The following PTPRD variants were observed in gnomAD, a reference collection of about 807,000 sequenced individuals.
PTPRD encodes the protein receptor-type tyrosine-protein phosphatase delta.
PTPRD carries 34 observed loss-of-function variants against 214.5 expected under a neutral mutation model. The observed-to-expected ratio is 0.16, with a 90% CI of 0.12 to 0.21. The LOEUF (loss-of-function observed/expected upper bound fraction) is 0.21. Among genes scored for constraint, PTPRD ranks in the 10% least tolerant of loss-of-function variants. The pLI, the probability that PTPRD is intolerant of heterozygous loss-of-function variation, is 1.00. For missense variants in PTPRD, 2,545 were observed against 2,398.7 expected (o/e 1.06, Z -1.27); for synonymous variants, 1,128 against 845.7 (o/e 1.33, Z -5.79).
At chr9:9,136,786 T>C (rs1388336092) in intron 10 of PTPRD, among the ~76,000 whole-genome samples, 3 of 152,172 alleles carry the variant, frequency 2.0e-5, no homozygotes, top group Non-Finnish European at 4.4e-5. Flanking sequence ...ATATGACAAG[T>C]TTAACATAAA....
chr9:10,027,446 C>A (rs1166544174), intron 4 of PTPRD, among the ~76,000 whole-genome samples: 1 of 152,210 alleles, frequency 6.6e-6, no homozygotes, highest in East Asian at 1.9e-4. Context: ...TACCTCCTTC[C>A]AACAGTATTT....
At chr9:9,892,407 C>T (rs1451615482) in intron 5 of PTPRD, among the ~76,000 whole-genome samples, 1 of 152,022 alleles carries the variant, frequency 6.6e-6, no homozygotes, top group Admixed American at 6.6e-5. Context: ...AGAGTGTGTG[C>T]ACACTTGCTC....
In PTPRD at chr9:8,524,822, A is replaced by G. The variant is rs780634122; in HGVS notation, c.679+103T>C. 26 of 962,684 alleles carry G rather than the reference A, an allele frequency of 2.7e-5. No homozygotes were observed. The Admixed American group carries it at 4.4e-4, about 16-fold the overall frequency. 59.6% of individuals were successfully genotyped at this position (962,684 alleles called of 1,614,324 possible). On this transcript the variant is annotated intron_variant, in intron 18 of 45. Coordinates refer to ENST00000381196, the MANE Select transcript of PTPRD (RefSeq NM_002839.4). ...TGTTTCAGCTACGGTCACTATTACC[A>G]AACCAGCTTGTTAACTACTAATATA...
At chr9:10,188,030 G>C (rs979892568) in intron 3 of PTPRD, among the ~76,000 whole-genome samples, 1 of 152,054 alleles carries the variant, frequency 6.6e-6, no homozygotes, top group Non-Finnish European at 1.5e-5. Flanking sequence ...CATCTTTCTG[G>C]CAACACTTTA....
rs376089168 is a variant in PTPRD at position 8,928,473 on chromosome 9, T to G, written c.-104+90224A>C. Among the ~76,000 whole-genome samples, 53 of 152,264 alleles carry G rather than the reference T, an allele frequency of 3.5e-4. No homozygotes were observed. In the South Asian group the frequency reaches 0.011, roughly 30 times the overall value. ...ATTAAACAGGGAATCCTTTCCCCAT[T>G]GCTTTTTTTGGTCAGGTTTGTCAAA... On this transcript the variant is annotated intron_variant, in intron 11 of 45. Coordinates refer to ENST00000381196, the MANE Select transcript of PTPRD (RefSeq NM_002839.4).
chr9:10,511,863 T>TGC (rs2048157303), intron 2 of PTPRD, among the ~76,000 whole-genome samples: 1 of 81,504 alleles, frequency 1.2e-5, no homozygotes, highest in Non-Finnish European at 2.7e-5. Context: ...TGTGTGTGTG[T>TGC]GTGTGTGTGT....
rs1311031558 is a variant in PTPRD at position 9,782,655 on chromosome 9, G to C, written c.-367-15804C>G. On this transcript the variant is annotated intron_variant, in intron 5 of 45. Transcript: ENST00000381196. ...AAAATTATTGCAATGAGTATAGATA[G>C]CTCTGAGTTATTTATGTGGAAGACA... is the stretch of plus-strand genomic sequence containing the variant. 5.9e-5 allele frequency among the ~76,000 whole-genome samples: 9 copies of C among 152,220 alleles called. No homozygotes were observed. The East Asian group carries it at 1.7e-3, about 29-fold the overall frequency.
At chr9:9,229,439 GA>G (rs1364062026) in intron 9 of PTPRD, among the ~76,000 whole-genome samples, 6 of 151,986 alleles carry the variant, frequency 3.9e-5, no homozygotes, top group Non-Finnish European at 8.8e-5. Context: ...GTTCCTGTGT[GA>G]TGAATAATCT....
At chr9:9,241,306 C>T (rs1014975068) in intron 9 of PTPRD, among the ~76,000 whole-genome samples, 1 of 152,158 alleles carries the variant, frequency 6.6e-6, no homozygotes, top group Non-Finnish European at 1.5e-5. Context: ...TTCTCCCCAT[C>T]TGATATCTCC....
chr9:10,081,760 G>A (rs148231555), intron 3 of PTPRD, among the ~76,000 whole-genome samples: 14 of 152,042 alleles, frequency 9.2e-5, no homozygotes, highest in Non-Finnish European at 1.8e-4. Context: ...TGGTTTTCAC[G>A]TTTTGGTGTT....
intron 8 of PTPRD, among the ~76,000 whole-genome samples, chr9:9,468,451 T>C (rs2094371042): frequency 6.6e-6 from 1 of 152,102 alleles, no homozygotes; most frequent in Non-Finnish European, 1.5e-5. Context: ...GTGTGTGTGT[T>C]GTTTCCTGTC....
At chr9:8,400,033 T>C (rs941140498) in intron 36 of PTPRD, among the ~76,000 whole-genome samples, 6 of 152,096 alleles carry the variant, frequency 3.9e-5, no homozygotes, top group Non-Finnish European at 8.8e-5. Context: ...ATGTCTTGTC[T>C]TTGTTGTTGA....
At chr9:8,324,945 G>A (rs1199178637) in intron 44 of PTPRD, among the ~76,000 whole-genome samples, 2 of 151,990 alleles carry the variant, frequency 1.3e-5, no homozygotes, top group East Asian at 3.9e-4. Flanking sequence ...TTTTGATGAG[G>A]TTGTTGTTTT....
At chr9:8,820,750 G>A (rs2097039360) in intron 11 of PTPRD, among the ~76,000 whole-genome samples, 1 of 152,024 alleles carries the variant, frequency 6.6e-6, no homozygotes, top group East Asian at 1.9e-4. Context: ...CACACTTTTT[G>A]TGTATGTATA....
chr9:10,293,509 T>C lies in PTPRD; in HGVS notation c.-545+47454A>G, dbSNP rs137968204. Among the ~76,000 whole-genome samples, 1,130 of 152,070 alleles carry C rather than the reference T, an allele frequency of 7.4e-3. 20 individuals carry two copies. Among genetic ancestry groups the C allele is most frequent in the African/African-American group, 0.026 (1,073 of 41,542 alleles). On this transcript the variant is annotated intron_variant, in intron 3 of 45. Transcript: ENST00000381196. ...CTAAAAAAGTAAAACACGTAGGATA[T>C]TAAATCATGTTAGAAAAACTTTATT...
chr9:10,138,335 C>A (rs953365501), intron 3 of PTPRD, among the ~76,000 whole-genome samples: 1 of 151,796 alleles, frequency 6.6e-6, no homozygotes, highest in African/African-American at 2.4e-5. Flanking sequence ...AAGATTGAAC[C>A]ATGAAAAAAT....
Position 8,483,803 on chromosome 9 carries a change from A to AAAAC in PTPRD, c.3413+312_3413+315dup, listed in dbSNP as rs202069221. 1.4e-3 allele frequency among the ~76,000 whole-genome samples: 119 copies of AAAAC among 87,314 alleles called. 1 individual carries two copies. The highest frequency in any genetic ancestry group is 6.2e-3 in the East Asian group (16 of 2,568). The allele number at this position is 87,314 out of a possible 152,430, so 57.3% of individuals were successfully genotyped here. ...CAAAACAAAAACAAAAACAAAAACA[A>AAAAC]AAACAAACAAACAAACAAACAAACA... is the stretch of plus-strand genomic sequence containing the variant. On this transcript the variant is annotated intron_variant, in intron 30 of 45. Transcript: ENST00000381196.
At chr9:10,429,623 A>G (rs757145954) in intron 2 of PTPRD, among the ~76,000 whole-genome samples, 1 of 151,830 alleles carries the variant, frequency 6.6e-6, no homozygotes, top group Non-Finnish European at 1.5e-5. Context: ...GAGGGATAAA[A>G]AATGTGTTCA....
intron 3 of PTPRD, among the ~76,000 whole-genome samples, chr9:10,117,628 T>A (rs1211101196): frequency 6.6e-6 from 1 of 151,132 alleles, no homozygotes; most frequent in East Asian, 1.9e-4. Flanking sequence ...TTTTTTTTCT[T>A]ATAATAATAG....
Sources: allele counts gnomAD v4.1 joint callset (sites outside exome capture counted in the v4.1 genomes callset), GRCh38; gene constraint gnomAD v4.1.1; transcripts MANE v1.5; gene names NCBI Gene and HGNC (gene_info 2026-07-23, HGNC 2026-07-21).